TGFBR2: variants seen among roughly 807,000 people sequenced by gnomAD.
TGFBR2 encodes transforming growth factor beta receptor 2.
Under a neutral mutation model 49.0 loss-of-function variants are expected in TGFBR2, and 18 were observed. The ratio of observed to expected loss-of-function variants is 0.37; its 90% CI spans 0.25 to 0.54. The LOEUF is 0.54. TGFBR2 is among the 20% of genes least tolerant of loss of function. The pLI is 0.85. For missense variants in TGFBR2, 525 were observed against 722.6 expected (o/e 0.73, Z 3.13); for synonymous variants, 282 against 275.9 (o/e 1.02, Z -0.22).
At chr3:30,637,666 C>T (rs187771399) in intron 1 of TGFBR2, among the ~76,000 whole-genome samples, 1 of 152,326 alleles carries the variant, frequency 6.6e-6, no homozygotes, top group Non-Finnish European at 1.5e-5. Flanking sequence ...ATAGCCTGGG[C>T]TTCAACACTT....
At chr3:30,634,788 C>T (rs1698499952) in intron 1 of TGFBR2, among the ~76,000 whole-genome samples, 1 of 152,184 alleles carries the variant, frequency 6.6e-6, no homozygotes, top group African/African-American at 2.4e-5. Flanking sequence ...CAGTTGCTGT[C>T]ACTTTAGGTA....
chr3:30,607,967 A>T (rs1459299021), intron 1 of TGFBR2, among the ~76,000 whole-genome samples: 1 of 149,784 alleles, frequency 6.7e-6, no homozygotes, highest in Non-Finnish European at 1.5e-5. Context: ...TTGGAGACGG[A>T]GTCTCGCTCT....
At position 30,694,082 on chromosome 3, in the gene TGFBR2, T is replaced by G. The variant is rs79535432; in HGVS notation, c.*2483T>G. 2.2e-3 allele frequency: 513 copies of G among 230,104 alleles called. 3 individuals carry two copies. The highest frequency in any genetic ancestry group is 0.01 in the African/African-American group (474 of 45,266). The allele number at this position is 230,104 out of a possible 1,614,324, so 14.3% of individuals were successfully genotyped here. ...TACATAAATAAAATGTTTATTAGAT[T>G]GAATAAAGCAAAATACTCAGGTGAG... On this transcript the variant is annotated 3_prime_UTR_variant, in exon 7 of 7. Transcript: ENST00000295754.
chr3:30,652,887 C>A (rs368485462), intron 3 of TGFBR2, among the ~76,000 whole-genome samples: 7 of 152,290 alleles, frequency 4.6e-5, no homozygotes, highest in African/African-American at 1.7e-4. Context: ...TTACTATGAG[C>A]CTTTCAGATA....
intron 2 of TGFBR2, among the ~76,000 whole-genome samples, chr3:30,649,256 G>A (rs2005061): frequency 0.14 from 21,058 of 152,184 alleles, 1,716 homozygotes; most frequent in East Asian, 0.38. Context: ...TGTCAGACTA[G>A]CCTTGTTGGA....
intron 1 of TGFBR2, among the ~76,000 whole-genome samples, chr3:30,609,522 A>T (rs1248991253): frequency 6.6e-6 from 1 of 152,188 alleles, no homozygotes; most frequent in Admixed American, 6.5e-5. Context: ...TTCACTAAGA[A>T]ATAGAAAGTT....
At chr3:30,618,069 T>A (rs945097622) in intron 1 of TGFBR2, among the ~76,000 whole-genome samples, 1 of 152,152 alleles carries the variant, frequency 6.6e-6, no homozygotes, top group African/African-American at 2.4e-5. Context: ...TAACTAAAGC[T>A]AGCAGAAGAC....
At chr3:30,689,495 G>C (rs973374246) in intron 6 of TGFBR2, among the ~76,000 whole-genome samples, 4 of 152,226 alleles carry the variant, frequency 2.6e-5, no homozygotes, top group African/African-American at 9.6e-5. Flanking sequence ...ATTCAGATAA[G>C]AAACAGAAAC....
intron 3 of TGFBR2, among the ~76,000 whole-genome samples, chr3:30,659,946 C>T (rs999031768): frequency 1.3e-5 from 2 of 152,010 alleles, no homozygotes; most frequent in Admixed American, 1.3e-4. Context: ...TTTCCACCCA[C>T]GTATACTCCA....
intron 1 of TGFBR2, among the ~76,000 whole-genome samples, 185 bp from the exon 2 acceptor site, chr3:30,644,562 T>C (rs1559456411): frequency 6.6e-6 from 1 of 152,016 alleles, no homozygotes; most frequent in Non-Finnish European, 1.5e-5. Context: ...CACGGTACAA[T>C]GGATTTTATT....
At chr3:30,649,055 G>C (rs1698829446) in intron 2 of TGFBR2, among the ~76,000 whole-genome samples, 2 of 152,128 alleles carry the variant, frequency 1.3e-5, no homozygotes, top group African/African-American at 2.4e-5. Flanking sequence ...GGGAGGATTA[G>C]GGGAAAATTG....
At chr3:30,647,800 C>T (rs1370440937) in intron 2 of TGFBR2, among the ~76,000 whole-genome samples, 3 of 152,076 alleles carry the variant, frequency 2.0e-5, no homozygotes, top group African/African-American at 7.2e-5. Context: ...CTTCAGCTTC[C>T]TGAGTAGCTG....
rs1459173450 is a variant in TGFBR2 at position 30,676,413 on chromosome 3, G to A, written c.1396+2167G>A. ...AATGTTTACTTAAGGAAGATTTTCT[G>A]TTTTTCTTGTTCCTTCTATATTTAT... On this transcript the variant is annotated intron_variant, in intron 5 of 6. Transcript: ENST00000295754. This position sits in a 1 kb window ranked among gnomAD's most constrained non-coding sequence, Gnocchi z 4.3. 6.6e-6 allele frequency among the ~76,000 whole-genome samples: 1 copy of A among 152,088 alleles called. No homozygotes were observed. Among genetic ancestry groups the A allele is most frequent in the Non-Finnish European group, 1.5e-5 (1 of 68,002 alleles).
chr3:30,606,847 C>T lies in TGFBR2; in HGVS notation c.-37C>T. The T allele has an allele frequency of 7.3e-7, 1 of 1,367,160 alleles. No homozygotes were observed. Among genetic ancestry groups the T allele is most frequent in the Non-Finnish European group, 9.6e-7 (1 of 1,036,616 alleles). 84.7% of individuals were successfully genotyped at this position (1,367,160 alleles called of 1,614,324 possible). On this transcript the variant is annotated 5_prime_UTR_variant, in exon 1 of 7. Coordinates refer to ENST00000295754, the MANE Select transcript of TGFBR2 (RefSeq NM_003242.6). ...GTCCGGGAAGGCGCCGTCCGCTGCG[C>T]TGGGGGCTCGGTCTATGACGAGCAG...
In TGFBR2 at chr3:30,672,017, C is replaced by T. The variant is rs779238628; in HGVS notation, c.834C>T (p.Ile278=). ...SEQFETVAVK[I]FPYEEYASWK... ...AGTTTGAGACAGTGGCAGTCAAGAT[C>T]TTTCCCTATGAGGAGTATGCCTCTT... is the stretch of plus-strand genomic sequence containing the variant. Residue 278 remains isoleucine (I), a synonymous_variant, in exon 4 of 7, where the codon ATC becomes ATT. Coordinates refer to ENST00000295754, the MANE Select transcript of TGFBR2 (RefSeq NM_003242.6). This position sits in a 1 kb window ranked among gnomAD's most constrained non-coding sequence, Gnocchi z 4.5. 6.2e-7 allele frequency: 1 copy of T among 1,614,232 alleles called. No individual in the cohort carries two copies. Among genetic ancestry groups the T allele is most frequent in the Non-Finnish European group, 8.5e-7 (1 of 1,180,038 alleles).
intron 3 of TGFBR2, among the ~76,000 whole-genome samples, chr3:30,668,835 T>C (rs1469291612): frequency 2.0e-5 from 3 of 152,122 alleles, no homozygotes; most frequent in East Asian, 3.8e-4. Flanking sequence ...CTCTGGTTAC[T>C]AGACCCAAGA....
chr3:30,613,815 A>G (rs150058284), intron 1 of TGFBR2, among the ~76,000 whole-genome samples: 7 of 152,344 alleles, frequency 4.6e-5, no homozygotes, highest in Non-Finnish European at 7.3e-5. Flanking sequence ...GCAGTTTGCT[A>G]GCTTGATTTG....
intron 1 of TGFBR2, among the ~76,000 whole-genome samples, chr3:30,631,621 CTTT>C (rs71093918): frequency 0.039 from 4,447 of 115,414 alleles, 95 homozygotes; most frequent in East Asian, 0.18. Flanking sequence ...CAACTTCTTT[CTTT>C]TTTTTTTTTT....
chr3:30,638,386 C>G (rs906392629), intron 1 of TGFBR2, among the ~76,000 whole-genome samples: 2 of 152,030 alleles, frequency 1.3e-5, no homozygotes, highest in Admixed American at 6.5e-5. Flanking sequence ...AGAATTGATG[C>G]CTTCAGGTCA....
Sources: gnomAD v4.1 joint callset for allele counts (sites outside exome capture counted in the v4.1 genomes callset) on GRCh38, gnomAD v4.1.1 for gene constraint, Gnocchi (gnomAD v3.1) non-coding constraint, MANE v1.5 for transcripts, NCBI Gene and HGNC (gene_info 2026-07-23, HGNC 2026-07-21) for gene names.